Variants in METTL14 observed in about 807,000 individuals in gnomAD.
METTL14 encodes methyltransferase 14, N6-adenosine-methyltransferase non-catalytic subunit.
Under a neutral mutation model 62.4 loss-of-function variants are expected in METTL14, and 32 were observed. The ratio of observed to expected loss-of-function variants is 0.51; its 90% confidence interval spans 0.39 to 0.69. The LOEUF is 0.69. Ranked by LOEUF, METTL14 falls within the 30% of genes least tolerant of loss-of-function variation. METTL14 has a pLI of 0.00. For missense variants in METTL14, 340 were observed against 551.9 expected, an observed-to-expected ratio of 0.62 and a Z score of 3.85; for synonymous variants, 150 against 180.0, an observed-to-expected ratio of 0.83 and a Z score of 1.34.
In METTL14 at chr4:118,696,117, C is replaced by CAAAAAAAAAAAAAAAAAAAAAAA. The variant is rs70941201; in HGVS notation, c.504-1059_504-1037dup. On this transcript the variant is annotated intron_variant, in intron 6 of 10. Transcript: ENST00000388822. Reference sequence around the variant, plus strand: ...CTGGCAACAGAGTGAGACTCTGTCTCAAAAAAAAAAAAAAAAAAAAAAAAA... The same window carrying CAAAAAAAAAAAAAAAAAAAAAAA: ...CTGGCAACAGAGTGAGACTCTGTCTCAAAAAAAAAAAAAAAAAAAAAAAAAAAAAAAAAAAAAAAAAAAAAAAA... Among the ~76,000 whole-genome samples, 5 of 33,910 alleles carry CAAAAAAAAAAAAAAAAAAAAAAA rather than the reference C, an allele frequency of 1.5e-4. 1 individual carries two copies. The highest frequency in any genetic ancestry group is 0.025 in the Middle Eastern group (1 of 40). The allele number at this position is 33,910 out of a possible 152,430, so 22.2% of individuals were successfully genotyped here. A position where few individuals can be genotyped will look rare whatever the true frequency, so the allele number is the denominator to read the frequency against.
rs762428449 is a variant in METTL14, at chr4:118,687,911, G to A, written c.67-12G>A. ...GCATTGCAATCTAATTTCTGATTTT[G>A]TCTTTTCTCAGTTGGGAGCTGAAAG... is the stretch of plus-strand genomic sequence containing the variant. On this transcript the variant is annotated splice_polypyrimidine_tract_variant and intron_variant, in intron 1 of 10. Transcript: ENST00000388822. The A allele has an allele frequency of 5.6e-6, 9 of 1,611,748 alleles. No homozygotes were observed. Among genetic ancestry groups the A allele is most frequent in the East Asian group, 2.2e-5 (1 of 44,862 alleles).
chr4:118,705,404 G>T (rs745688228), intron 9 of METTL14, among the ~76,000 whole-genome samples: 1 of 152,188 alleles, frequency 6.6e-6, no homozygotes, highest in Non-Finnish European at 1.5e-5. Flanking sequence ...AGCCCAGGAG[G>T]TCAAGGCTGC....
chr4:118,687,789 T>TTG (rs58763837), intron 1 of METTL14, 134 bp from the exon 2 acceptor site: 8,698 of 576,636 alleles, frequency 0.015, 73 homozygotes, highest in East Asian at 0.076. Context: ...ATTCATTGTT[T>TTG]TGTGTGTGTG....
chr4:118,699,441 T>C (rs1194650530), intron 7 of METTL14, among the ~76,000 whole-genome samples: 1 of 152,214 alleles, frequency 6.6e-6, no homozygotes, highest in Non-Finnish European at 1.5e-5. Context: ...ATGCTCTTGA[T>C]ATTTCTTGCA....
intron 3 of METTL14, among the ~76,000 whole-genome samples, chr4:118,690,035 C>CATTT (rs1724197145): frequency 1.2e-5 from 1 of 86,640 alleles, no homozygotes; most frequent in Non-Finnish European, 2.1e-5. Flanking sequence ...TAATAATATT[C>CATTT]TTTTTTTTTT....
At chr4:118,694,309 T>G in intron 5 of METTL14, 127 bp from the exon 6 acceptor site, 1 of 604,630 alleles carries the variant, frequency 1.7e-6, no homozygotes, top group South Asian at 2.4e-5. Context: ...AAGTTAAGCT[T>G]CCTTAAAAGA....
At chr4:118,692,738 G>T (rs554308226) in intron 5 of METTL14, among the ~76,000 whole-genome samples, 133 of 151,614 alleles carry the variant, frequency 8.8e-4, no homozygotes, top group Non-Finnish European at 1.7e-3. Flanking sequence ...CCACAGAATT[G>T]TGCAACTATT....
chr4:118,691,725 T>A (rs1724252339), intron 4 of METTL14, 113 bp downstream of exon 4: 1 of 605,650 alleles, frequency 1.7e-6, no homozygotes, highest in Non-Finnish European at 2.8e-6. Context: ...GAGGGATCAT[T>A]GTTATAAAAT....
intron 8 of METTL14, among the ~76,000 whole-genome samples, chr4:118,700,878 G>A (rs1312446464): frequency 1.3e-5 from 2 of 152,118 alleles, no homozygotes; most frequent in Admixed American, 1.3e-4. Flanking sequence ...TTCATTACAA[G>A]TACAGGAAGA....
chr4:118,699,574 C>T (rs1724524550), intron 7 of METTL14, among the ~76,000 whole-genome samples: 1 of 152,020 alleles, frequency 6.6e-6, no homozygotes, highest in Non-Finnish European at 1.5e-5. Context: ...TCAGTTTGCT[C>T]AAAAGAAAAA....
chr4:118,700,325 T>C (rs1724551649), intron 7 of METTL14, among the ~76,000 whole-genome samples: 1 of 152,176 alleles, frequency 6.6e-6, no homozygotes, highest in East Asian at 1.9e-4. Context: ...AGCAAGTGTA[T>C]ATATGTATAT....
chr4:118,702,163 A>ACGCTGGAG (rs1230021559), intron 8 of METTL14, among the ~76,000 whole-genome samples: 1 of 134,434 alleles, frequency 7.4e-6, no homozygotes, highest in Non-Finnish European at 1.5e-5. Flanking sequence ...TCTGTCGCCC[A>ACGCTGGAG]CGCTGGAGTG....
intron 10 of METTL14, among the ~76,000 whole-genome samples, chr4:118,706,370 C>G (rs1724756771): frequency 6.6e-6 from 1 of 152,200 alleles, no homozygotes; most frequent in Non-Finnish European, 1.5e-5. Context: ...AGATTGGCTT[C>G]TTTCATTTGG....
In METTL14 at chr4:118,710,882, G is replaced by A. The variant is rs1724898890; in HGVS notation, c.*580G>A. ...TGATAGGGGAGGTGGAGATTCCAGG[G>A]GTGGGTGAAAGAAGAGATAGAACTT... On this transcript the variant is annotated 3_prime_UTR_variant, in exon 11 of 11. Coordinates refer to ENST00000388822, the MANE Select transcript of METTL14 (RefSeq NM_020961.4). 6.6e-6 allele frequency: 1 copy of A among 151,310 alleles called. No homozygotes were observed. Among genetic ancestry groups the A allele is most frequent in the Non-Finnish European group, 1.5e-5 (1 of 67,916 alleles). 9.4% of individuals were successfully genotyped at this position (151,310 alleles called of 1,614,324 possible). A position where few individuals can be genotyped will look rare whatever the true frequency, so the allele number is the denominator to read the frequency against.
At chr4:118,708,709 T>C (rs1290131647) in intron 10 of METTL14, among the ~76,000 whole-genome samples, 1 of 152,222 alleles carries the variant, frequency 6.6e-6, no homozygotes, top group East Asian at 1.9e-4. Context: ...CATCTACTTT[T>C]CTAAGAAATA....
intron 10 of METTL14, 51 bp downstream of exon 10, chr4:118,705,872 C>T: frequency 7.4e-7 from 1 of 1,351,144 alleles, no homozygotes; most frequent in Non-Finnish European, 1.1e-6. Flanking sequence ...TTATGCATGT[C>T]AAGAAATAGG....
At chr4:118,689,062 T>C (rs1033579181) in intron 2 of METTL14, among the ~76,000 whole-genome samples, 1 of 152,214 alleles carries the variant, frequency 6.6e-6, no homozygotes, top group Non-Finnish European at 1.5e-5. Context: ...TTCGCTATTC[T>C]AGTTTTCAAT....
chr4:118,701,754 A>G (rs1335528896), intron 8 of METTL14, among the ~76,000 whole-genome samples: 2 of 152,204 alleles, frequency 1.3e-5, no homozygotes, highest in Non-Finnish European at 2.9e-5. Context: ...GGAGGTATCC[A>G]TTTGACAATT....
intron 7 of METTL14, among the ~76,000 whole-genome samples, chr4:118,698,750 G>C (rs986774314): frequency 6.6e-6 from 1 of 152,046 alleles, no homozygotes; most frequent in Non-Finnish European, 1.5e-5. Flanking sequence ...AAATAATACT[G>C]AACAAGTTGA....
Sources: gnomAD v4.1 joint callset for allele counts (sites outside exome capture counted in the v4.1 genomes callset) on GRCh38, gnomAD v4.1.1 for gene constraint, MANE v1.5 for transcripts, NCBI Gene and HGNC (gene_info 2026-07-23, HGNC 2026-07-21) for gene names.